MPRIP: variants seen among roughly 807,000 people sequenced by gnomAD.
The protein encoded by MPRIP is myosin phosphatase Rho-interacting protein.
MPRIP carries 59 observed loss-of-function variants against 234.9 expected under a neutral mutation model. That is an observed-to-expected ratio of 0.25 (90% CI 0.20 to 0.31). MPRIP has a LOEUF of 0.31. Ranked by LOEUF, MPRIP falls within the 10% of genes least tolerant of loss-of-function variation. The pLI, the probability that MPRIP is intolerant of heterozygous loss-of-function variation, is 1.00. For missense variants in MPRIP, 2,436 were observed against 3,071.0 expected, an observed-to-expected ratio of 0.79 and a Z score of 4.89; for synonymous variants, 1,144 against 1,263.9, an observed-to-expected ratio of 0.91 and a Z score of 2.01.
chr17:17,074,873 A>C (rs1013446390), intron 1 of MPRIP, among the ~76,000 whole-genome samples: 1 of 152,042 alleles, frequency 6.6e-6, no homozygotes, highest in African/African-American at 2.4e-5. Flanking sequence ...CACTTTGTTC[A>C]TCTATTCATC....
intron 11 of MPRIP, among the ~76,000 whole-genome samples, chr17:17,148,102 C>T (rs1201335269): frequency 2.0e-5 from 3 of 152,054 alleles, no homozygotes; most frequent in Non-Finnish European, 2.9e-5. Context: ...CATTAAGGGC[C>T]GGGATATGTA....
In MPRIP at chr17:17,166,182, C is replaced by T. The variant is rs531803602; in HGVS notation, c.4591C>T (p.Arg1531Cys). ...HWPAPAHGGARAQLETGGTEE... is the reference protein window; with the variant it reads ...HWPAPAHGGACAQLETGGTEE... ...GCCGGCCCCAGCCCATGGCGGGGCC[C>T]GTGCACAGCTGGAGACAGGTGGCAC... Residue 1531 changes from arginine (R) to cysteine (C), a missense_variant, in exon 16 of 24, where the codon CGT (arginine) becomes TGT (cysteine). Transcript: ENST00000651222. This position sits in a 1 kb window ranked among gnomAD's most constrained non-coding sequence, Gnocchi z 4.4. 1.5e-5 allele frequency: 20 copies of T among 1,302,720 alleles called. No homozygotes were observed. The highest frequency in any genetic ancestry group is 4.6e-5 in the African/African-American group (3 of 65,910). The allele number at this position is 1,302,720 out of a possible 1,614,324, so 80.7% of individuals were successfully genotyped here. A position where few individuals can be genotyped will look rare whatever the true frequency, so the allele number is the denominator to read the frequency against.
Position 17,142,763 on chromosome 17 carries a change from CG to C in MPRIP, c.1389+1del. The stretch of plus-strand genomic sequence containing the variant: ...CGAGAAGAGGGCGTTCCCTAGGAAG[CG>C]GGTGAGCTCCTGGGGCTGGGCAGCA... ...RSEKRAFPRK[R>X]DFTNEAPPAP... On this transcript the variant is annotated frameshift_variant and splice_region_variant, in exon 8 of 24. Coordinates refer to ENST00000651222, the MANE Select transcript of MPRIP (RefSeq NM_001364716.4). LOFTEE classifies it high-confidence loss of function. 1 of 1,611,936 alleles carries C rather than the reference CG, an allele frequency of 6.2e-7. No homozygotes were observed. Among genetic ancestry groups the C allele is most frequent in the Non-Finnish European group, 8.5e-7 (1 of 1,179,498 alleles).
At chr17:17,129,467 A>C (rs2090555837) in intron 4 of MPRIP, among the ~76,000 whole-genome samples, 1 of 152,218 alleles carries the variant, frequency 6.6e-6, no homozygotes. Context: ...ATCCAAGTGC[A>C]GAGGACACAT....
intron 6 of MPRIP, among the ~76,000 whole-genome samples, chr17:17,137,165 C>T (rs1384268391): frequency 6.6e-6 from 1 of 152,208 alleles, no homozygotes. Flanking sequence ...AATCTATTCA[C>T]TCTGTCTCAC....
Position 17,137,942 on chromosome 17 carries a change from A to G in MPRIP, c.763A>G (p.Met255Val). 1 of 1,611,636 alleles carries G rather than the reference A, an allele frequency of 6.2e-7. No individual in the cohort carries two copies. The highest frequency in any genetic ancestry group is 1.7e-4 in the Middle Eastern group (1 of 5,890). Residue 255 changes from methionine (M) to valine (V), a missense_variant, in exon 7 of 24, where the codon ATG (methionine) becomes GTG (valine). Met to Val is a conservative substitution (Grantham distance 21). Around this residue, in one of 4 missense-constraint regions of MPRIP, gnomAD observed 267 missense variants for 252.7 expected, o/e 1.06. Coordinates refer to ENST00000651222, the MANE Select transcript of MPRIP (RefSeq NM_001364716.4). The stretch of plus-strand genomic sequence containing the variant: ...GGAGAGCGCCATGAGTAGCGACCGC[A>G]TGGACTGTGGCCGCAAAGTCCGGGT... ...EEESAMSSDR[M>V]DCGRKVRVES... is the part of the protein sequence containing the mutation.
chr17:17,088,290 T>C (rs1202103400), intron 3 of MPRIP, among the ~76,000 whole-genome samples: 1 of 152,242 alleles, frequency 6.6e-6, no homozygotes, highest in African/African-American at 2.4e-5. Flanking sequence ...TCTTCAGAGC[T>C]GTGGGTGGAC....
chr17:17,150,206 T>A lies in MPRIP; in HGVS notation c.1692T>A (p.Val564=), dbSNP rs1331447311. ...GTTACGATGTCACAGAGTATCCAGT[T>A]CAGAGAAACTATGGCTTCCAGATAC... ...SACYDVTEYP[V]QRNYGFQIHT... The change falls in exon 12 of 24, where the codon GTT becomes GTA. Residue 564 remains valine, a synonymous_variant. Transcript: ENST00000651222. The A allele has an allele frequency of 6.2e-7, 1 of 1,613,660 alleles. No homozygotes were observed. Among genetic ancestry groups the A allele is most frequent in the Non-Finnish European group, 8.5e-7 (1 of 1,179,732 alleles).
intron 1 of MPRIP, among the ~76,000 whole-genome samples, chr17:17,052,584 T>TA (rs1555559511): frequency 3.3e-5 from 5 of 152,200 alleles, no homozygotes; most frequent in African/African-American, 1.2e-4. Flanking sequence ...TTGTCTCTAA[T>TA]AAGTGTTAAC....
rs2045680494 is a variant in MPRIP at position 17,154,366 on chromosome 17, C to A, written c.1780C>A (p.Gln594Lys). 1 of 1,614,180 alleles carries A rather than the reference C, an allele frequency of 6.2e-7. No homozygotes were observed. The highest frequency in any genetic ancestry group is 8.5e-7 in the Non-Finnish European group (1 of 1,180,030). ...MTSGIRRNWI[Q>K]TIMKHVHPTT... ...ATCTGGGATTCGGCGGAACTGGATC[C>A]AGACCATCATGAAGCACGTGCACCC... Residue 594 changes from glutamine to lysine, a missense_variant, in exon 13 of 24, where the codon CAG (glutamine) becomes AAG (lysine). Gln to Lys is a moderately conservative substitution (Grantham distance 53). Around this residue, in one of 4 missense-constraint regions of MPRIP, gnomAD observed 1,998 missense variants for 2,520.3 expected, o/e 0.79. Coordinates refer to ENST00000651222, the MANE Select transcript of MPRIP (RefSeq NM_001364716.4).
intron 3 of MPRIP, among the ~76,000 whole-genome samples, chr17:17,092,300 A>G (rs1168240913): frequency 6.6e-6 from 1 of 152,216 alleles, no homozygotes; most frequent in Admixed American, 6.5e-5. Flanking sequence ...AGTCGTGTTA[A>G]ATGTCCAGCG....
rs768644572 is a variant in MPRIP at position 17,137,911 on chromosome 17, TC to T, written c.737-3del. ...GCGTCTCCTCCCTCCCACTGTCTCT[TC>T]CAGAGGAGAGCGCCATGAGTAGCGA... On this transcript the variant is annotated splice_polypyrimidine_tract_variant and splice_region_variant and intron_variant, in intron 6 of 23. Coordinates refer to ENST00000651222, the MANE Select transcript of MPRIP (RefSeq NM_001364716.4). The T allele has an allele frequency of 1.6e-4, 257 of 1,595,372 alleles. 2 individuals carry two copies. In the South Asian group the frequency reaches 2.8e-3, roughly 17 times the overall value.
intron 20 of MPRIP, among the ~76,000 whole-genome samples, chr17:17,175,744 G>T (rs1364484516): frequency 6.6e-6 from 1 of 152,234 alleles, no homozygotes; most frequent in South Asian, 2.1e-4. Flanking sequence ...TGCAGCTCAG[G>T]TCAGGGAGGC....
At chr17:17,054,333 A>G (rs2088629684) in intron 1 of MPRIP, among the ~76,000 whole-genome samples, 1 of 152,236 alleles carries the variant, frequency 6.6e-6, no homozygotes, top group Admixed American at 6.5e-5. Flanking sequence ...TTCTTACTGC[A>G]TAGTTTATTG....
At chr17:17,171,358 G>A (rs1353420974) in intron 16 of MPRIP, 6 of 194,926 alleles carry the variant, frequency 3.1e-5, no homozygotes, top group African/African-American at 1.4e-4. Context: ...CTTCCTTCCT[G>A]TGGGTCCCAC....
intron 16 of MPRIP, among the ~76,000 whole-genome samples, chr17:17,169,757 C>T (rs1486920356): frequency 6.6e-6 from 1 of 152,228 alleles, no homozygotes; most frequent in Non-Finnish European, 1.5e-5. Context: ...CCACTTGGGT[C>T]GTTGGGGACA....
At chr17:17,072,503 A>T (rs1405865540) in intron 1 of MPRIP, among the ~76,000 whole-genome samples, 1 of 152,182 alleles carries the variant, frequency 6.6e-6, no homozygotes, top group Non-Finnish European at 1.5e-5. Context: ...ACATAATGAA[A>T]TGGTAGGTAG....
chr17:17,122,404 A>G (rs1177391208), intron 3 of MPRIP, among the ~76,000 whole-genome samples: 1 of 152,140 alleles, frequency 6.6e-6, no homozygotes, highest in South Asian at 2.1e-4. Flanking sequence ...CCCAGGCTGG[A>G]GTGCAGTGGC....
chr17:17,058,573 A>T (rs906488084), intron 1 of MPRIP, among the ~76,000 whole-genome samples: 1 of 151,888 alleles, frequency 6.6e-6, no homozygotes, highest in Non-Finnish European at 1.5e-5. Context: ...GTGGGGACCC[A>T]GGGAGGGCTC....
Sources: gnomAD v4.1 joint callset for allele counts (sites outside exome capture counted in the v4.1 genomes callset) on GRCh38, gnomAD v4.1.1 for gene constraint, gnomAD v4.1.1 regional missense constraint, Gnocchi (gnomAD v3.1) non-coding constraint, MANE v1.5 for transcripts, NCBI Gene and HGNC (gene_info 2026-07-23, HGNC 2026-07-21) for gene names.